The following CR1L variants were observed in gnomAD, a reference collection of about 807,000 sequenced individuals.
The protein encoded by CR1L is complement component receptor 1-like protein.
CR1L carries 59 observed loss-of-function variants against 62.3 expected under a neutral mutation model. The observed-to-expected ratio is 0.95, with a 90% CI of 0.77 to 1.18. CR1L has a LOEUF of 1.18. CR1L is among the 50% of genes most tolerant of loss of function. The pLI is 0.00. For missense variants in CR1L, 700 were observed against 702.8 expected (o/e 1.00, Z 0.04); for synonymous variants, 279 against 248.7 (o/e 1.12, Z -1.15).
rs990070717 is a variant in CR1L, at chr1:207,690,883, C to T, written c.464-3470C>T. Among the ~76,000 whole-genome samples, 45 of 152,312 alleles carry T rather than the reference C, an allele frequency of 3.0e-4. 1 individual carries two copies. The highest frequency in any genetic ancestry group is 1.0e-3 in the African/African-American group (42 of 41,570). ...GTGTGTGTCCTTTGCTCTTCTGGCT[C>T]CTGTAAAGACACTGGACATGGATTT... On this transcript the variant is annotated intron_variant, in intron 4 of 11. Coordinates refer to ENST00000508064, the MANE Select transcript of CR1L (RefSeq NM_175710.2).
chr1:207,714,028 C>T (rs1236997211), intron 10 of CR1L, among the ~76,000 whole-genome samples: 1 of 152,198 alleles, frequency 6.6e-6, no homozygotes, highest in Non-Finnish European at 1.5e-5. Context: ...CTTCTTCATA[C>T]CTGCGTTTGG....
chr1:207,673,485 G>A (rs6696228), intron 1 of CR1L, among the ~76,000 whole-genome samples: 54,188 of 152,036 alleles, frequency 0.36, 9,842 homozygotes, highest in Non-Finnish European at 0.4. Context: ...TCATATTTGC[G>A]CAGACATGAA....
chr1:207,664,626 A>T (rs574475197), intron 1 of CR1L, among the ~76,000 whole-genome samples: 1 of 152,346 alleles, frequency 6.6e-6, no homozygotes, highest in Non-Finnish European at 1.5e-5. Flanking sequence ...TTGTTGATAC[A>T]GTCTTTTGAA....
At chr1:207,649,064 C>T (rs1194934605) in intron 1 of CR1L, among the ~76,000 whole-genome samples, 3 of 152,060 alleles carry the variant, frequency 2.0e-5, no homozygotes, top group East Asian at 1.9e-4. Context: ...CTCAAAAACA[C>T]GTGATAATTA....
chr1:207,656,652 G>A (rs1663316321), intron 1 of CR1L, among the ~76,000 whole-genome samples: 1 of 152,188 alleles, frequency 6.6e-6, no homozygotes, highest in Non-Finnish European at 1.5e-5. Context: ...GGGGGAGCAA[G>A]GTGTCTCACA....
chr1:207,723,695 C>T lies in CR1L; in HGVS notation c.*10C>T, dbSNP rs781299807. On this transcript the variant is annotated 3_prime_UTR_variant, in exon 12 of 12. Coordinates refer to ENST00000508064, the MANE Select transcript of CR1L (RefSeq NM_175710.2). ...ATTCTGTCATCTTTAACAGTAAGTA[C>T]CTACTTATAATGAATGCAATGTAGA... 1 of 1,535,108 alleles carries T rather than the reference C, an allele frequency of 6.5e-7. No individual in the cohort carries two copies. The highest frequency in any genetic ancestry group is 1.2e-5 in the South Asian group (1 of 85,676).
chr1:207,645,386 C>A, intron 1 of CR1L, 56 bp downstream of exon 1: 1 of 1,583,468 alleles, frequency 6.3e-7, no homozygotes, highest in Non-Finnish European at 8.7e-7. Context: ...TCTGCTCAGT[C>A]AGTCGGGCAG....
chr1:207,707,555 G>A (rs1664285621), intron 9 of CR1L, among the ~76,000 whole-genome samples: 1 of 152,140 alleles, frequency 6.6e-6, no homozygotes, highest in African/African-American at 2.4e-5. Flanking sequence ...TTGAACTCGG[G>A]AGGCAGAGGT....
At chr1:207,662,078 AT>A (rs1663433678) in intron 1 of CR1L, among the ~76,000 whole-genome samples, 1 of 151,916 alleles carries the variant, frequency 6.6e-6, no homozygotes, top group Admixed American at 6.6e-5. Context: ...TGCCCTTAAC[AT>A]TTTTTTCCTT....
intron 5 of CR1L, among the ~76,000 whole-genome samples, chr1:207,697,260 A>G (rs1329634479): frequency 6.6e-6 from 1 of 152,206 alleles, no homozygotes; most frequent in African/African-American, 2.4e-5. Flanking sequence ...CATACTTTAG[A>G]TGTAAAACAA....
chr1:207,663,726 T>G (rs1175510705), intron 1 of CR1L, among the ~76,000 whole-genome samples: 4 of 149,840 alleles, frequency 2.7e-5, no homozygotes, highest in African/African-American at 9.7e-5. Flanking sequence ...TCGCTCACAC[T>G]GGGAGCTGTA....
In CR1L at chr1:207,672,050, T is replaced by G. The variant is rs528337144; in HGVS notation, c.98-5339T>G. 2.6e-4 allele frequency among the ~76,000 whole-genome samples: 40 copies of G among 151,122 alleles called. No individual in the cohort carries two copies. The South Asian group carries it at 3.9e-3, about 15-fold the overall frequency. On this transcript the variant is annotated intron_variant, in intron 1 of 11. Transcript: ENST00000508064. Reference sequence around the variant, plus strand: ...TTAAACCAACTATATCAACCATCATTTTGAGTGTCAATGATCTAAAGGCAC... The same window carrying G: ...TTAAACCAACTATATCAACCATCATGTTGAGTGTCAATGATCTAAAGGCAC...
chr1:207,658,378 A>G (rs558786212), intron 1 of CR1L: 1 of 152,348 alleles, frequency 6.6e-6, no homozygotes, highest in African/African-American at 2.4e-5. Context: ...GTAAACCTAC[A>G]GCCAGACTGA....
chr1:207,712,725 A>T (rs1664378038), intron 10 of CR1L, among the ~76,000 whole-genome samples: 1 of 152,076 alleles, frequency 6.6e-6, no homozygotes, highest in African/African-American at 2.4e-5. Flanking sequence ...TCCCCCTCAC[A>T]TGGAAGTCTT....
chr1:207,662,995 C>G (rs1020747493), intron 1 of CR1L, among the ~76,000 whole-genome samples: 15 of 152,180 alleles, frequency 9.9e-5, no homozygotes, highest in Non-Finnish European at 1.8e-4. Flanking sequence ...GCTGCCTGAT[C>G]TTCCTTTGGA....
intron 11 of CR1L, among the ~76,000 whole-genome samples, chr1:207,719,960 T>C (rs1654093786): frequency 1.3e-5 from 2 of 152,290 alleles, no homozygotes; most frequent in East Asian, 3.9e-4. Flanking sequence ...CCTAAATATA[T>C]AATTCAACAA....
intron 9 of CR1L, among the ~76,000 whole-genome samples, chr1:207,705,372 C>G (rs189681466): frequency 6.6e-6 from 1 of 152,306 alleles, no homozygotes; most frequent in East Asian, 1.9e-4. Context: ...TAACAGAGTC[C>G]CTTTGAAAAT....
At chr1:207,710,300 G>C in intron 10 of CR1L, 2 of 829,604 alleles carry the variant, frequency 2.4e-6, no homozygotes, top group Non-Finnish European at 4.0e-6. Flanking sequence ...CCATGATCGT[G>C]CCACTGCACT....
intron 4 of CR1L, chr1:207,684,168 G>T: frequency 2.5e-6 from 1 of 393,000 alleles, no homozygotes; most frequent in Non-Finnish European, 4.5e-6. Flanking sequence ...TAATTCTAGG[G>T]GCCTAAATAC....
Sources: gnomAD v4.1 joint callset for allele counts (sites outside exome capture counted in the v4.1 genomes callset) on GRCh38, gnomAD v4.1.1 for gene constraint, MANE v1.5 for transcripts, NCBI Gene and HGNC (gene_info 2026-07-23, HGNC 2026-07-21) for gene names.